The following CEP85L variants were observed in gnomAD, a reference collection of about 807,000 sequenced individuals.
CEP85L encodes centrosomal protein of 85 kDa-like.
In CEP85L, 60 loss-of-function variants were observed where a neutral mutation model predicts 100.3. The observed-to-expected ratio is 0.60, with a 90% CI of 0.49 to 0.74. CEP85L has a LOEUF of 0.74. Ranked by LOEUF, CEP85L falls within the 30% of genes least tolerant of loss-of-function variation. CEP85L has a pLI of 0.00. For synonymous variants in CEP85L, 319 were observed against 322.7 expected (o/e 0.99, Z 0.12); for missense variants, 973 against 936.2 (o/e 1.04, Z -0.51).
chr6:118,513,931 T>A lies in CEP85L; in HGVS notation c.1140-2516A>T, dbSNP rs543805914. Among the ~76,000 whole-genome samples the A allele has an allele frequency of 4.4e-3, 675 of 152,154 alleles. 8 individuals are homozygous for A. The highest frequency in any genetic ancestry group is 0.016 in the African/African-American group (652 of 41,548). On this transcript the variant is annotated intron_variant, in intron 4 of 12. Coordinates refer to ENST00000368491, the MANE Select transcript of CEP85L (RefSeq NM_001042475.3). ...ATAAATTGTTTGAGGCAAAAAAAAA[T>A]TTATATCCACGTTGTATAACCTTTG...
At chr6:118,479,136 T>C (rs1043245213) in intron 10 of CEP85L, among the ~76,000 whole-genome samples, 6 of 152,128 alleles carry the variant, frequency 3.9e-5, no homozygotes, top group Non-Finnish European at 7.4e-5. Flanking sequence ...TGTAGGAATA[T>C]AAAATAAAGT....
intron 1 of CEP85L, among the ~76,000 whole-genome samples, chr6:118,686,463 A>G (rs773412827): frequency 1.4e-4 from 21 of 152,198 alleles, no homozygotes; most frequent in Non-Finnish European, 2.9e-4. Flanking sequence ...TATAAATAGA[A>G]TCATGCAATG....
Position 118,465,308 on chromosome 6 carries a change from T to A in CEP85L, c.*97A>T. 1 of 1,143,358 alleles carries A rather than the reference T, an allele frequency of 8.7e-7. No homozygotes were observed. Among genetic ancestry groups the A allele is most frequent in the Non-Finnish European group, 1.2e-6 (1 of 837,112 alleles). The allele number at this position is 1,143,358 out of a possible 1,614,324, so 70.8% of individuals were successfully genotyped here. A position where few individuals can be genotyped will look rare whatever the true frequency, so the allele number is the denominator to read the frequency against. On this transcript the variant is annotated 3_prime_UTR_variant, in exon 13 of 13. Transcript: ENST00000368491. ...AACAAATCCACAGAAAAAAAATCCC[T>A]AAGTGCAAGTCATGTCACTTGCAAC...
chr6:118,534,380 C>T lies in CEP85L; in HGVS notation c.1021-10460G>A, dbSNP rs138516251. 8.6e-4 allele frequency among the ~76,000 whole-genome samples: 131 copies of T among 152,148 alleles called. 1 individual carries two copies. The East Asian group carries it at 0.016, about 18-fold the overall frequency. ...TATCACTAAAAAAACTGGCCAGGTG[C>T]GGTGGCTCACACCTGTAATCCCAGC... On this transcript the variant is annotated intron_variant, in intron 3 of 12. Coordinates refer to ENST00000368491, the MANE Select transcript of CEP85L (RefSeq NM_001042475.3).
At chr6:118,661,635 A>G (rs1019609359) in intron 1 of CEP85L, among the ~76,000 whole-genome samples, 6 of 152,124 alleles carry the variant, frequency 3.9e-5, no homozygotes, top group African/African-American at 1.4e-4. Context: ...AAAAAATCAG[A>G]AAAAAGTAAT....
intron 5 of CEP85L, chr6:118,501,797 G>C: frequency 8.8e-7 from 1 of 1,136,670 alleles, no homozygotes; most frequent in Non-Finnish European, 1.3e-6. Flanking sequence ...GGGGAGGATG[G>C]AGGCTGCTGG....
intron 3 of CEP85L, among the ~76,000 whole-genome samples, chr6:118,549,734 T>C (rs1332960451): frequency 1.3e-5 from 2 of 151,914 alleles, no homozygotes; most frequent in Non-Finnish European, 3.0e-5. Flanking sequence ...TATTCAAATA[T>C]CTATCAAATT....
upstream of CEP85L, among the ~76,000 whole-genome samples, chr6:118,652,160 G>C (rs902080620): frequency 7.9e-5 from 12 of 152,158 alleles, no homozygotes; most frequent in Non-Finnish European, 1.6e-4. Context: ...AAAGGCCCGG[G>C]GGTAATTAGT....
chr6:118,465,383 T>C lies in CEP85L; in HGVS notation c.*22A>G, dbSNP rs1401239069. ...GCAGCATTTAAACAACAGGTCATTA[T>C]TGCTGTGGGACTAACACTTGATCAC... On this transcript the variant is annotated 3_prime_UTR_variant, in exon 13 of 13. Coordinates refer to ENST00000368491, the MANE Select transcript of CEP85L (RefSeq NM_001042475.3). The C allele has an allele frequency of 2.5e-6, 4 of 1,607,464 alleles. No individual in the cohort carries two copies. The highest frequency in any genetic ancestry group is 3.4e-6 in the Non-Finnish European group (4 of 1,175,818).
chr6:118,669,972 C>T (rs1002310153), intron 1 of CEP85L, among the ~76,000 whole-genome samples: 5 of 149,904 alleles, frequency 3.3e-5, no homozygotes, highest in African/African-American at 9.9e-5. Context: ...TTTGTATCTT[C>T]GAGGTACTGA....
intron 2 of CEP85L, among the ~76,000 whole-genome samples, chr6:118,621,715 G>A (rs553247500): frequency 1.7e-4 from 26 of 152,296 alleles, no homozygotes; most frequent in Non-Finnish European, 2.9e-4. Flanking sequence ...AAACCTAGCC[G>A]AAAGAACTAG....
At chr6:118,503,708 G>A (rs1336142858) in intron 5 of CEP85L, among the ~76,000 whole-genome samples, 1 of 151,164 alleles carries the variant, frequency 6.6e-6, no homozygotes, top group African/African-American at 2.4e-5. Flanking sequence ...TCAACAAATG[G>A]TGCTGAACAA....
chr6:118,471,737 G>A (rs1313277883), intron 10 of CEP85L, among the ~76,000 whole-genome samples: 2 of 150,920 alleles, frequency 1.3e-5, no homozygotes, highest in Non-Finnish European at 3.0e-5. Context: ...TCTCCTTCTA[G>A]GGAAAAGTTG....
chr6:118,573,811 AT>A (rs1422261975), intron 2 of CEP85L, among the ~76,000 whole-genome samples: 2 of 152,212 alleles, frequency 1.3e-5, no homozygotes, highest in Non-Finnish European at 2.9e-5. Flanking sequence ...TTAGACCCCT[AT>A]TTCATAGCAC....
At chr6:118,468,667 C>T (rs1441529607) in intron 12 of CEP85L, among the ~76,000 whole-genome samples, 1 of 135,524 alleles carries the variant, frequency 7.4e-6, no homozygotes, top group East Asian at 2.0e-4. Context: ...TGCCATAGAA[C>T]ATATACTGCA....
chr6:118,700,864 A>G (rs1312686285), intron 1 of CEP85L, among the ~76,000 whole-genome samples: 1 of 152,228 alleles, frequency 6.6e-6, no homozygotes, highest in East Asian at 1.9e-4. Context: ...ATTATGTAAC[A>G]TAGTAAGGAT....
At chr6:118,473,188 G>C (rs1243048525) in intron 10 of CEP85L, among the ~76,000 whole-genome samples, 1 of 152,140 alleles carries the variant, frequency 6.6e-6, no homozygotes, top group African/African-American at 2.4e-5. Context: ...TGAACAAACA[G>C]TCAAAACTCT....
At chr6:118,565,435 A>C in intron 3 of CEP85L, 94 bp downstream of exon 3, 1 of 1,218,276 alleles carries the variant, frequency 8.2e-7, no homozygotes, top group Middle Eastern at 1.9e-4. Context: ...AATGCAAAAC[A>C]ATCTGTGAAC....
chr6:118,681,108 T>G (rs2115448213), intron 1 of CEP85L, among the ~76,000 whole-genome samples: 1 of 152,356 alleles, frequency 6.6e-6, no homozygotes, highest in South Asian at 2.1e-4. Flanking sequence ...TTCACTTGAT[T>G]GCCAGCTTTT....
Sources: allele counts gnomAD v4.1 joint callset (sites outside exome capture counted in the v4.1 genomes callset), GRCh38; gene constraint gnomAD v4.1.1; transcripts MANE v1.5; gene names NCBI Gene and HGNC (gene_info 2026-07-23, HGNC 2026-07-21).